The following ENPP2 variants were observed in gnomAD, a reference collection of about 807,000 sequenced individuals.
ENPP2 encodes autotaxin.
A neutral mutation model predicts 120.2 loss-of-function variants in ENPP2; 51 were observed. The observed-to-expected ratio is 0.42, with a 90% CI of 0.34 to 0.54. The LOEUF is 0.54. Ranked by LOEUF, ENPP2 falls within the 20% of genes least tolerant of loss-of-function variation. The pLI is 0.04. For missense variants in ENPP2, 920 were observed against 1,066.5 expected (o/e 0.86, Z 1.91); for synonymous variants, 365 against 366.4 (o/e 1.00, Z 0.04).
intron 1 of ENPP2, among the ~76,000 whole-genome samples, chr8:119,664,944 C>T (rs1413084957): frequency 6.6e-6 from 1 of 152,166 alleles, no homozygotes; most frequent in African/African-American, 2.4e-5. Flanking sequence ...TATCATCTCA[C>T]ATTCTGGAGA....
At chr8:119,666,418 A>C (rs370263282) in intron 1 of ENPP2, among the ~76,000 whole-genome samples, 21 of 152,312 alleles carry the variant, frequency 1.4e-4, no homozygotes, top group African/African-American at 4.6e-4. Flanking sequence ...GAAAGGGCTC[A>C]AAAAAGTATA....
intron 13 of ENPP2, among the ~76,000 whole-genome samples, chr8:119,590,223 T>G (rs1247006052): frequency 1.3e-5 from 2 of 152,210 alleles, no homozygotes; most frequent in Non-Finnish European, 2.9e-5. Flanking sequence ...TTCCACATAA[T>G]AAGAATAAGA....
At chr8:119,622,519 T>C (rs1815974972) in intron 3 of ENPP2, among the ~76,000 whole-genome samples, 1 of 152,168 alleles carries the variant, frequency 6.6e-6, no homozygotes, top group East Asian at 1.9e-4. Flanking sequence ...AAAACAACCT[T>C]TCCATTTTAA....
In ENPP2 at chr8:119,581,856, A is replaced by T. The variant is rs557383513; in HGVS notation, c.1728+562T>A. On this transcript the variant is annotated intron_variant, in intron 18 of 24. Coordinates refer to ENST00000075322, the MANE Select transcript of ENPP2 (RefSeq NM_001040092.3). Reference sequence around the variant, plus strand: ...CTCACTGCAACCTCTGCCTCAAGCGATTCTCCCACCTCAGCCTCCCAGCGC... The same window carrying T: ...CTCACTGCAACCTCTGCCTCAAGCGTTTCTCCCACCTCAGCCTCCCAGCGC... Among the ~76,000 whole-genome samples, 3 of 149,442 alleles carry T rather than the reference A, an allele frequency of 2.0e-5. No individual in the cohort carries two copies. The East Asian group carries it at 5.9e-4, about 30-fold the overall frequency.
At chr8:119,589,900 C>T (rs1407947986) in intron 13 of ENPP2, among the ~76,000 whole-genome samples, 2 of 152,128 alleles carry the variant, frequency 1.3e-5, no homozygotes, top group Non-Finnish European at 2.9e-5. Context: ...TAGATCATAA[C>T]CTGAACATGT....
rs564259578 is a variant in ENPP2, at chr8:119,611,804, TC to T, written c.778-3828del. 2.0e-3 allele frequency among the ~76,000 whole-genome samples: 310 copies of T among 152,178 alleles called. 1 individual carries two copies. Among genetic ancestry groups the T allele is most frequent in the Non-Finnish European group, 3.6e-3 (248 of 68,004 alleles). ...ACTTTGGGAGGCCAAGGCAGACAGA[TC>T]ACTTGAGGTCAGGAGTTCAAGACCA... On this transcript the variant is annotated intron_variant, in intron 8 of 24. Coordinates refer to ENST00000075322, the MANE Select transcript of ENPP2 (RefSeq NM_001040092.3).
At chr8:119,586,632 G>A (rs1247848905) in intron 14 of ENPP2, among the ~76,000 whole-genome samples, 1 of 152,052 alleles carries the variant, frequency 6.6e-6, no homozygotes, top group Non-Finnish European at 1.5e-5. Context: ...GCAGTTGGGG[G>A]TGGGGTGTCG....
chr8:119,647,878 G>A (rs1047428507), intron 1 of ENPP2, among the ~76,000 whole-genome samples: 5 of 152,052 alleles, frequency 3.3e-5, no homozygotes, highest in African/African-American at 1.2e-4. Flanking sequence ...GGTGGTGGGC[G>A]CCTGTAATCC....
intron 2 of ENPP2, among the ~76,000 whole-genome samples, chr8:119,635,658 G>C (rs115865552): frequency 6.6e-6 from 1 of 152,132 alleles, no homozygotes; most frequent in Non-Finnish European, 1.5e-5. Flanking sequence ...CCATCTCACC[G>C]TCTCATTAAC....
chr8:119,592,681 G>A (rs948078171), intron 12 of ENPP2, among the ~76,000 whole-genome samples: 3 of 151,754 alleles, frequency 2.0e-5, no homozygotes, highest in African/African-American at 7.3e-5. Context: ...TGACACCTCT[G>A]GGCAACTTAA....
intron 8 of ENPP2, among the ~76,000 whole-genome samples, chr8:119,613,202 G>A (rs1421205853): frequency 6.6e-6 from 1 of 152,136 alleles, no homozygotes; most frequent in African/African-American, 2.4e-5. Context: ...GAGAAATGCA[G>A]GGTCCTACAG....
At chr8:119,581,645 G>T (rs1327370144) in intron 18 of ENPP2, among the ~76,000 whole-genome samples, 1 of 151,890 alleles carries the variant, frequency 6.6e-6, no homozygotes, top group Non-Finnish European at 1.5e-5. Flanking sequence ...GGTACTATGC[G>T]AACCCCAGGG....
Position 119,617,517 on chromosome 8 carries a change from C to A in ENPP2, c.526G>T (p.Ala176Ser). 1 of 1,613,700 alleles carries A rather than the reference C, an allele frequency of 6.2e-7. No individual in the cohort carries two copies. The highest frequency in any genetic ancestry group is 1.3e-5 in the African/African-American group (1 of 75,038). ...TTGCTGCCTTTCTTCATGTATGATGCACGGAAGCCATCCACGGAGAAGATG... is the reference window on the plus strand; with the variant it reads ...TTGCTGCCTTTCTTCATGTATGATGAACGGAAGCCATCCACGGAGAAGATG... ...LIIFSVDGFR[A>S]SYMKKGSKVM... Residue 176 changes from alanine (A) to serine (S), a missense_variant, in exon 6 of 25, where the codon GCA becomes TCA. Physicochemically the swap from Ala to Ser is moderately conservative, Grantham distance 99. Coordinates refer to ENST00000075322, the MANE Select transcript of ENPP2 (RefSeq NM_001040092.3).
upstream of ENPP2, among the ~76,000 whole-genome samples, chr8:119,641,922 A>G (rs1325822705): frequency 6.6e-6 from 1 of 152,182 alleles, no homozygotes; most frequent in African/African-American, 2.4e-5. Flanking sequence ...TAAACAAAAA[A>G]CTATGATTCC....
intron 8 of ENPP2, among the ~76,000 whole-genome samples, chr8:119,610,542 A>G (rs948339328): frequency 5.3e-5 from 8 of 152,050 alleles, no homozygotes; most frequent in African/African-American, 1.9e-4. Flanking sequence ...TTGTTAATTC[A>G]GAGATATAAG....
In ENPP2 at chr8:119,585,606, T is replaced by C. The variant is rs1206273559; in HGVS notation, c.1367+580A>G. 3.3e-5 allele frequency among the ~76,000 whole-genome samples: 5 copies of C among 152,272 alleles called. No homozygotes were observed. In the East Asian group the frequency reaches 7.7e-4, roughly 23 times the overall value. On this transcript the variant is annotated intron_variant, in intron 15 of 24. Transcript: ENST00000075322. ...GGATAAATCCTTAATAATTAACTCA[T>C]TGGAAGTTGTTAGAGCCTCCAGACA...
At chr8:119,560,672 T>A (rs528198897) in intron 24 of ENPP2, among the ~76,000 whole-genome samples, 1 of 152,310 alleles carries the variant, frequency 6.6e-6, no homozygotes, top group Admixed American at 6.5e-5. Flanking sequence ...AACATTTTCC[T>A]TGGGTACCTA....
intron 21 of ENPP2, among the ~76,000 whole-genome samples, chr8:119,568,823 T>C (rs1814707607): frequency 6.6e-6 from 1 of 152,146 alleles, no homozygotes; most frequent in Non-Finnish European, 1.5e-5. Context: ...CATCTCGAAC[T>C]CCTGGACTCA....
At chr8:119,617,443 C>A in intron 6 of ENPP2, 23 bp downstream of exon 6, 2 of 1,504,786 alleles carry the variant, frequency 1.3e-6, no homozygotes, top group Non-Finnish European at 1.8e-6. Flanking sequence ...CAGATAAGAA[C>A]ACAGAGTATG....
Sources: allele counts gnomAD v4.1 joint callset (sites outside exome capture counted in the v4.1 genomes callset), GRCh38; gene constraint gnomAD v4.1.1; transcripts MANE v1.5; gene names NCBI Gene and HGNC (gene_info 2026-07-23, HGNC 2026-07-21).